The following UBE2E2 variants were observed in gnomAD, a reference collection of about 807,000 sequenced individuals.
UBE2E2 encodes the protein ubiquitin-conjugating enzyme E2 E2.
Under a neutral mutation model 24.7 loss-of-function variants are expected in UBE2E2, and 6 were observed. The observed-to-expected ratio is 0.24, with a 90% CI of 0.13 to 0.48. The LOEUF (loss-of-function observed/expected upper bound fraction) is 0.48, where lower values mean the gene tolerates loss of function less well. Among genes scored for constraint, UBE2E2 ranks in the 20% least tolerant of loss-of-function variants. UBE2E2 has a pLI of 0.99. For synonymous variants in UBE2E2, 104 were observed against 83.6 expected (o/e 1.24, Z -1.33); for missense variants, 169 against 245.0 (o/e 0.69, Z 2.07).
intron 3 of UBE2E2, among the ~76,000 whole-genome samples, chr3:23,388,730 G>A (rs578161834): frequency 6.6e-6 from 1 of 152,224 alleles, no homozygotes; most frequent in Non-Finnish European, 1.5e-5. Flanking sequence ...ATTCAGGCCA[G>A]GCACAGTGGC....
intron 3 of UBE2E2, among the ~76,000 whole-genome samples, chr3:23,339,194 C>T (rs1695303933): frequency 6.6e-6 from 1 of 151,996 alleles, no homozygotes; most frequent in South Asian, 2.1e-4. Context: ...AAACATCAAA[C>T]CCAAATTGAG....
At chr3:23,422,184 G>A (rs756373377) in intron 3 of UBE2E2, among the ~76,000 whole-genome samples, 4 of 152,102 alleles carry the variant, frequency 2.6e-5, no homozygotes, top group African/African-American at 4.8e-5. Flanking sequence ...CAAAGAAGTA[G>A]GTTAAGAGAG....
chr3:23,426,120 G>A (rs1697918949), intron 3 of UBE2E2, among the ~76,000 whole-genome samples: 1 of 152,082 alleles, frequency 6.6e-6, no homozygotes, highest in African/African-American at 2.4e-5. Flanking sequence ...TTTTAAATGA[G>A]TTCATTGGTA....
intron 3 of UBE2E2, among the ~76,000 whole-genome samples, chr3:23,428,091 C>T (rs898671766): frequency 6.6e-6 from 1 of 152,200 alleles, no homozygotes; most frequent in Non-Finnish European, 1.5e-5. Context: ...CCGTTTACTA[C>T]ATTATACACC....
At chr3:23,544,526 C>T (rs889949292) in intron 5 of UBE2E2, among the ~76,000 whole-genome samples, 2 of 152,186 alleles carry the variant, frequency 1.3e-5, no homozygotes, top group Admixed American at 6.6e-5. Flanking sequence ...CCAGAATAGC[C>T]ATTACTTACA....
At chr3:23,272,352 A>C (rs2359755) in intron 3 of UBE2E2, among the ~76,000 whole-genome samples, 127,323 of 151,504 alleles carry the variant, frequency 0.84, 53,606 homozygotes, top group African/African-American at 0.9. Flanking sequence ...CCCAAGAGCA[A>C]CGCACGCAGC....
intron 3 of UBE2E2, among the ~76,000 whole-genome samples, chr3:23,409,074 G>T (rs1377768019): frequency 6.6e-6 from 1 of 152,144 alleles, no homozygotes; most frequent in African/African-American, 2.4e-5. Flanking sequence ...GGATGATTCT[G>T]ATGGCATTGT....
intron 3 of UBE2E2, among the ~76,000 whole-genome samples, chr3:23,381,579 G>A (rs762176695): frequency 6.6e-6 from 1 of 152,060 alleles, no homozygotes; most frequent in South Asian, 2.1e-4. Context: ...CCAGTACCCC[G>A]GCTAGCTGAA....
At chr3:23,460,340 A>G (rs1313566487) in intron 3 of UBE2E2, among the ~76,000 whole-genome samples, 1 of 152,192 alleles carries the variant, frequency 6.6e-6, no homozygotes, top group Non-Finnish European at 1.5e-5. Context: ...TTTGCCTACC[A>G]TACAGAATGC....
In UBE2E2 at chr3:23,355,963, A is replaced by C. The variant is rs529635067; in HGVS notation, c.227+138651A>C. Reference sequence around the variant, plus strand: ...GATCCTGCCATTTCTTGTTTTACACAGGAGGCTGCCAGCTATCAACTGATT... The same window carrying C: ...GATCCTGCCATTTCTTGTTTTACACCGGAGGCTGCCAGCTATCAACTGATT... On this transcript the variant is annotated intron_variant, in intron 3 of 5. Coordinates refer to ENST00000396703, the MANE Select transcript of UBE2E2 (RefSeq NM_152653.4). 3.3e-5 allele frequency among the ~76,000 whole-genome samples: 5 copies of C among 152,360 alleles called. No individual in the cohort carries two copies. The South Asian group carries it at 1.0e-3, about 32-fold the overall frequency.
At chr3:23,533,300 A>C (rs1695169050) in intron 5 of UBE2E2, among the ~76,000 whole-genome samples, 2 of 152,172 alleles carry the variant, frequency 1.3e-5, no homozygotes, top group South Asian at 4.1e-4. Flanking sequence ...TTCCTGGGCC[A>C]TGTCTTTACA....
chr3:23,317,005 G>A (rs1694599249), intron 3 of UBE2E2, among the ~76,000 whole-genome samples: 2 of 152,244 alleles, frequency 1.3e-5, no homozygotes, highest in South Asian at 4.2e-4. Context: ...CTTTACTGGT[G>A]CCTTTCCTCT....
chr3:23,558,222 A>G (rs147717116), intron 5 of UBE2E2, among the ~76,000 whole-genome samples: 1 of 152,302 alleles, frequency 6.6e-6, no homozygotes, highest in East Asian at 1.9e-4. Context: ...ACTTAACATA[A>G]TTGATCTGCA....
chr3:23,293,662 C>A (rs9874822), intron 3 of UBE2E2, among the ~76,000 whole-genome samples: 59,219 of 152,034 alleles, frequency 0.39, 12,033 homozygotes, highest in Admixed American at 0.53. Context: ...TTATTAAAAT[C>A]ATAATATGTA....
At chr3:23,361,900 A>T (rs571175925) in intron 3 of UBE2E2, among the ~76,000 whole-genome samples, 2 of 152,238 alleles carry the variant, frequency 1.3e-5, no homozygotes, top group African/African-American at 4.8e-5. Flanking sequence ...ATGTATTTGA[A>T]TGTTGAGTAT....
intron 3 of UBE2E2, among the ~76,000 whole-genome samples, chr3:23,301,345 A>C (rs536344257): frequency 1.1e-4 from 17 of 152,194 alleles, no homozygotes; most frequent in African/African-American, 4.1e-4. Flanking sequence ...GTTCCTTTGG[A>C]GGAGGAGAGG....
intron 5 of UBE2E2, among the ~76,000 whole-genome samples, chr3:23,563,199 G>T (rs919480167): frequency 1.3e-5 from 2 of 152,020 alleles, no homozygotes; most frequent in African/African-American, 4.8e-5. Flanking sequence ...TTTCTCTTAT[G>T]GGCATTTAGT....
intron 3 of UBE2E2, among the ~76,000 whole-genome samples, chr3:23,441,441 AG>A (rs1371551042): frequency 6.7e-6 from 1 of 148,688 alleles, no homozygotes; most frequent in Non-Finnish European, 1.5e-5. Context: ...CGGGAGGCTG[AG>A]GCCAGGGAAT....
At chr3:23,257,527 CCACT>C (rs1559459159) in intron 3 of UBE2E2, among the ~76,000 whole-genome samples, 170 of 14,282 alleles carry the variant, frequency 0.012, no homozygotes, top group Non-Finnish European at 0.016. Context: ...CCCCCCCCCC[CCACT>C]TTTTTTTTTT....
Sources: allele counts gnomAD v4.1 joint callset (sites outside exome capture counted in the v4.1 genomes callset), GRCh38; gene constraint gnomAD v4.1.1; transcripts MANE v1.5; gene names NCBI Gene and HGNC (gene_info 2026-07-23, HGNC 2026-07-21).